The following ANXA10 variants were observed in gnomAD, a reference collection of about 807,000 sequenced individuals.
ANXA10 encodes annexin A10, also known as annexin 14.
In ANXA10, 49 loss-of-function variants were observed where a neutral mutation model predicts 53.5. That is an observed-to-expected ratio of 0.92 (90% CI 0.73 to 1.16). The LOEUF is 1.16. ANXA10 is among the 50% of genes most tolerant of loss of function. The pLI is 0.00. For synonymous variants in ANXA10, 131 were observed against 128.9 expected (o/e 1.02, Z -0.11); for missense variants, 393 against 394.4 (o/e 1.00, Z 0.03).
At chr4:168,099,521 G>A (rs891985336) in intron 1 of ANXA10, among the ~76,000 whole-genome samples, 1 of 152,084 alleles carries the variant, frequency 6.6e-6, no homozygotes, top group African/African-American at 2.4e-5. Flanking sequence ...TGAACCCTCA[G>A]TGAAAGGTAA....
chr4:168,158,336 C>A (rs1367783763), intron 3 of ANXA10, among the ~76,000 whole-genome samples: 1 of 151,402 alleles, frequency 6.6e-6, no homozygotes, highest in Admixed American at 6.6e-5. Context: ...CTTCTGGGCA[C>A]AAATCTTTTG....
intron 3 of ANXA10, among the ~76,000 whole-genome samples, chr4:168,144,439 G>A (rs1731375683): frequency 6.6e-6 from 1 of 152,114 alleles, no homozygotes; most frequent in Admixed American, 6.6e-5. Flanking sequence ...CACCTACCTT[G>A]GCCTCCCAAA....
intron 2 of ANXA10, among the ~76,000 whole-genome samples, chr4:168,134,326 TA>T (rs1731200754): frequency 6.6e-6 from 1 of 152,120 alleles, no homozygotes; most frequent in Non-Finnish European, 1.5e-5. Flanking sequence ...AATTGATTCC[TA>T]AATTTACAGT....
chr4:168,117,963 T>C (rs1361994621), intron 1 of ANXA10, among the ~76,000 whole-genome samples: 2 of 151,418 alleles, frequency 1.3e-5, no homozygotes, highest in Admixed American at 1.3e-4. Flanking sequence ...ACTGGGACCA[T>C]GGGGACAAGC....
chr4:168,151,434 G>T (rs1456309369), intron 3 of ANXA10, among the ~76,000 whole-genome samples: 5 of 152,270 alleles, frequency 3.3e-5, no homozygotes, highest in African/African-American at 1.2e-4. Context: ...GGTTAGAATA[G>T]CTGCAGCAAG....
chr4:168,126,172 G>A (rs1368735859), intron 1 of ANXA10, among the ~76,000 whole-genome samples: 1 of 151,942 alleles, frequency 6.6e-6, no homozygotes, highest in Non-Finnish European at 1.5e-5. Context: ...ATAAATTCTG[G>A]AAAACTCCTA....
At chr4:168,100,775 G>C (rs1730626529) in intron 1 of ANXA10, among the ~76,000 whole-genome samples, 1 of 151,940 alleles carries the variant, frequency 6.6e-6, no homozygotes, top group Non-Finnish European at 1.5e-5. Flanking sequence ...TAAACTTTTT[G>C]TTTTGGGAAC....
intron 10 of ANXA10, among the ~76,000 whole-genome samples, chr4:168,182,084 G>A (rs1732259897): frequency 6.6e-6 from 1 of 152,010 alleles, no homozygotes; most frequent in Non-Finnish European, 1.5e-5. Context: ...AAAACATATG[G>A]CATTAAGCAG....
chr4:168,185,429 G>C (rs948472793), intron 11 of ANXA10, among the ~76,000 whole-genome samples: 16 of 152,162 alleles, frequency 1.1e-4, no homozygotes, highest in African/African-American at 2.7e-4. Flanking sequence ...ATCATAAACT[G>C]CTAATTCGGA....
chr4:168,144,545 G>GT (rs1731377663), intron 3 of ANXA10, among the ~76,000 whole-genome samples: 2 of 152,120 alleles, frequency 1.3e-5, no homozygotes, highest in African/African-American at 4.8e-5. Context: ...TATAACTTCA[G>GT]TTTTTTTCTA....
At chr4:168,124,243 T>C (rs1241730117) in intron 1 of ANXA10, among the ~76,000 whole-genome samples, 1 of 152,166 alleles carries the variant, frequency 6.6e-6, no homozygotes, top group African/African-American at 2.4e-5. Flanking sequence ...GCTTGAAAGA[T>C]AACATCTTGT....
intron 1 of ANXA10, among the ~76,000 whole-genome samples, chr4:168,097,208 A>T (rs1304761392): frequency 1.3e-5 from 2 of 151,858 alleles, no homozygotes; most frequent in African/African-American, 4.8e-5. Flanking sequence ...CTTCTCCTTC[A>T]ATTCTCTCCG....
chr4:168,156,290 ATAT>A, intron 3 of ANXA10, among the ~76,000 whole-genome samples: 2 of 43,032 alleles, frequency 4.6e-5, no homozygotes, highest in African/African-American at 1.7e-4. Flanking sequence ...AGTATATATT[ATAT>A]TATATTATAT....
chr4:168,175,916 A>G (rs1732118165), intron 6 of ANXA10, among the ~76,000 whole-genome samples: 1 of 152,174 alleles, frequency 6.6e-6, no homozygotes, highest in African/African-American at 2.4e-5. Context: ...GCTTTTTGTT[A>G]TCAAGAAAAA....
chr4:168,104,954 T>C (rs1730695980), intron 1 of ANXA10, among the ~76,000 whole-genome samples: 1 of 151,938 alleles, frequency 6.6e-6, no homozygotes, highest in South Asian at 2.1e-4. Flanking sequence ...TTATATTTAA[T>C]GTTATAAATT....
intron 1 of ANXA10, among the ~76,000 whole-genome samples, chr4:168,127,101 T>G (rs17515137): frequency 0.025 from 3,735 of 152,246 alleles, 59 homozygotes; most frequent in Middle Eastern, 0.041. Flanking sequence ...CTGGGCATAC[T>G]GACAACAAAC....
At chr4:168,179,700 A>C (rs964324288) in intron 9 of ANXA10, among the ~76,000 whole-genome samples, 5 of 152,140 alleles carry the variant, frequency 3.3e-5, no homozygotes, top group Admixed American at 6.5e-5. Context: ...TCTCTTTAGG[A>C]GGAAAAGGAT....
chr4:168,153,453 AC>A (rs1560782334), intron 3 of ANXA10, among the ~76,000 whole-genome samples: 1,212 of 53,754 alleles, frequency 0.023, 62 homozygotes, highest in African/African-American at 0.03. Context: ...AAAAACAAAA[AC>A]AAAACAAAAA....
At chr4:168,177,059 T>A (rs1460156580) in intron 6 of ANXA10, among the ~76,000 whole-genome samples, 1 of 152,100 alleles carries the variant, frequency 6.6e-6, no homozygotes, top group Non-Finnish European at 1.5e-5. Context: ...CTTAACATAG[T>A]TGGAGCAAGG....
Sources: allele counts gnomAD v4.1 joint callset (sites outside exome capture counted in the v4.1 genomes callset), GRCh38; gene constraint gnomAD v4.1.1; transcripts MANE v1.5; gene names NCBI Gene and HGNC (gene_info 2026-07-23, HGNC 2026-07-21).